The following LRRC9 variants were observed in gnomAD, a reference collection of about 807,000 sequenced individuals.
LRRC9 encodes the protein leucine rich repeat containing 9.
LRRC9 carries 122 observed loss-of-function variants against 63.2 expected under a neutral mutation model. That is an observed-to-expected ratio of 1.93 (90% CI 1.67 to 2.24). The LOEUF (loss-of-function observed/expected upper bound fraction) is 2.24. Among genes scored for constraint, LRRC9 ranks in the 30% most tolerant of loss-of-function variants. The pLI, the probability that LRRC9 is intolerant of heterozygous loss-of-function variation, is 0.00. For missense variants in LRRC9, 1,071 were observed against 627.7 expected (o/e 1.71, Z -7.55); for synonymous variants, 366 against 213.1 (o/e 1.72, Z -6.25).
chr14:59,951,833 C>T (rs1418583918), intron 8 of LRRC9, among the ~76,000 whole-genome samples: 2 of 152,158 alleles, frequency 1.3e-5, no homozygotes, highest in South Asian at 2.1e-4. Flanking sequence ...GTCAGGGACC[C>T]ACTTGAGGAG....
chr14:60,045,524 G>A (rs1365161370), intron 29 of LRRC9, among the ~76,000 whole-genome samples: 1 of 152,156 alleles, frequency 6.6e-6, no homozygotes, highest in Non-Finnish European at 1.5e-5. Flanking sequence ...AACATGTGGT[G>A]TTTGGTTTTC....
chr14:59,951,467 T>C (rs1331940814), intron 8 of LRRC9, among the ~76,000 whole-genome samples: 1 of 133,656 alleles, frequency 7.5e-6, no homozygotes, highest in Non-Finnish European at 1.6e-5. Context: ...CTCAGAGTAA[T>C]TTGATCGTCT....
chr14:59,983,287 A>G (rs1415382776), intron 16 of LRRC9, among the ~76,000 whole-genome samples: 1 of 152,232 alleles, frequency 6.6e-6, no homozygotes, highest in Admixed American at 6.5e-5. Flanking sequence ...ATGCCTCTAG[A>G]GTTATGCAAC....
intron 31 of LRRC9, among the ~76,000 whole-genome samples, chr14:60,061,468 C>T (rs891716574): frequency 6.6e-6 from 1 of 152,100 alleles, no homozygotes; most frequent in African/African-American, 2.4e-5. Context: ...AAGGTATGTA[C>T]ATTGTTTTTT....
chr14:59,984,035 T>G lies in LRRC9; in HGVS notation c.2092-1070T>G, dbSNP rs531373930. Among the ~76,000 whole-genome samples, 3 of 152,308 alleles carry G rather than the reference T, an allele frequency of 2.0e-5. No homozygotes were observed. The South Asian group carries it at 6.2e-4, about 32-fold the overall frequency. Reference sequence around the variant, plus strand: ...TGGTGATATAACGGTGTGGCCTGTTTGAGAAACAGTTCTACAATCAAATGT... The same window carrying G: ...TGGTGATATAACGGTGTGGCCTGTTGGAGAAACAGTTCTACAATCAAATGT... On this transcript the variant is annotated intron_variant, in intron 16 of 31. Coordinates refer to ENST00000445360, the Ensembl canonical transcript of LRRC9.
intron 29 of LRRC9, among the ~76,000 whole-genome samples, chr14:60,040,176 C>T (rs551880939): frequency 1.3e-5 from 2 of 152,068 alleles, no homozygotes; most frequent in East Asian, 3.9e-4. Flanking sequence ...TGCTTTACTT[C>T]CAACTATGTG....
intron 8 of LRRC9, among the ~76,000 whole-genome samples, chr14:59,949,641 A>G (rs1215597478): frequency 6.6e-6 from 1 of 151,142 alleles, no homozygotes; most frequent in Non-Finnish European, 1.5e-5. Context: ...ATTTAGTGCT[A>G]TAAATTTCCC....
At chr14:60,066,008 G>T (rs1366823111), downstream of LRRC9, among the ~76,000 whole-genome samples, 1 of 151,940 alleles carries the variant, frequency 6.6e-6, no homozygotes, top group Non-Finnish European at 1.5e-5. Context: ...TGTAGAGATG[G>T]AGTCTCACTA....
In LRRC9 at chr14:60,003,456, A is replaced by G. The variant is rs776862176; in HGVS notation, c.2665-165A>G. 2.9e-4 allele frequency among the ~76,000 whole-genome samples: 44 copies of G among 152,196 alleles called. No homozygotes were observed. Among genetic ancestry groups the G allele is most frequent in the Admixed American group, 9.2e-4 (14 of 15,278 alleles). On this transcript the variant is annotated intron_variant, in intron 20 of 31. Coordinates refer to ENST00000445360, the Ensembl canonical transcript of LRRC9. The surrounding 1 kb of genome is among the most constrained non-coding windows in gnomAD (Gnocchi z 4.2). ...TGGAGTTATAATCTCGTCAAATTTT[A>G]CTTTTCTGTAAACTGACAGCTTCAC...
chr14:60,042,568 C>T lies in LRRC9; in HGVS notation c.3991-10497C>T, dbSNP rs1893048937. Among the ~76,000 whole-genome samples, 1 of 152,174 alleles carries T rather than the reference C, an allele frequency of 6.6e-6. No individual in the cohort carries two copies. Among genetic ancestry groups the T allele is most frequent in the South Asian group, 2.1e-4 (1 of 4,832 alleles). On this transcript the variant is annotated intron_variant, in intron 29 of 31. Transcript: ENST00000445360. This position sits in a 1 kb window ranked among gnomAD's most constrained non-coding sequence, Gnocchi z 4.2. ...CCAAGCCATGCGCGGGATATAATCT[C>T]CTGTTGTGCCGTTTGCTAAGACCAT...
chr14:59,952,464 G>A (rs1456063414), intron 8 of LRRC9, among the ~76,000 whole-genome samples: 1 of 152,232 alleles, frequency 6.6e-6, no homozygotes, highest in Middle Eastern at 3.4e-3. Flanking sequence ...CGTCTTCTGC[G>A]TCGCTCACGC....
intron 17 of LRRC9, among the ~76,000 whole-genome samples, chr14:59,995,724 G>GT (rs1380199014): frequency 1.6e-5 from 1 of 62,328 alleles, no homozygotes; most frequent in Non-Finnish European, 5.9e-5. Flanking sequence ...GAAGAAGACA[G>GT]GTTTTTTTTT....
At position 60,053,369 on chromosome 14, in the gene LRRC9, T is replaced by C. The variant is rs550540409; in HGVS notation, c.4131+164T>C. Among the ~76,000 whole-genome samples, 2 of 142,244 alleles carry C rather than the reference T, an allele frequency of 1.4e-5. No homozygotes were observed. Among genetic ancestry groups the C allele is most frequent in the African/African-American group, 5.2e-5 (2 of 38,218 alleles). 93.3% of individuals were successfully genotyped at this position (142,244 alleles called of 152,430 possible). A position where few individuals can be genotyped will look rare whatever the true frequency, so the allele number is the denominator to read the frequency against. ...ATCAAAGGCAGCTGGATTTGGTGAATAGAGCATGCGTGCTCACACACACAC... is the reference window on the plus strand; with the variant it reads ...ATCAAAGGCAGCTGGATTTGGTGAACAGAGCATGCGTGCTCACACACACAC... On this transcript the variant is annotated intron_variant, in intron 30 of 31. Transcript: ENST00000445360. The surrounding 1 kb of genome is among the most constrained non-coding windows in gnomAD (Gnocchi z 4.8).
At chr14:59,967,242 C>A in intron 12 of LRRC9, 29 bp downstream of exon 12, 1 of 557,362 alleles carries the variant, frequency 1.8e-6, no homozygotes, top group Admixed American at 2.3e-5. Flanking sequence ...TAGAATAATG[C>A]TTTCTTCCTA....
chr14:59,966,221 A>T lies in LRRC9; in HGVS notation c.1212-368A>T, dbSNP rs1312754698. Among the ~76,000 whole-genome samples, 1 of 152,130 alleles carries T rather than the reference A, an allele frequency of 6.6e-6. No individual in the cohort carries two copies. Among genetic ancestry groups the T allele is most frequent in the Non-Finnish European group, 1.5e-5 (1 of 68,034 alleles). On this transcript the variant is annotated intron_variant, in intron 10 of 31. Coordinates refer to ENST00000445360, the Ensembl canonical transcript of LRRC9. The surrounding 1 kb of genome is among the most constrained non-coding windows in gnomAD (Gnocchi z 4.0). ...AGGAACCACGTGAAATCATCTAGGG[A>T]GAGTGTTCGTGGAAGCAAGAGGAAG... is the stretch of plus-strand genomic sequence containing the variant.
rs1274016960 is a variant in LRRC9, at chr14:60,060,932, T to TGTGGA, written c.4277-2391_4277-2390insGTGGA. On this transcript the variant is annotated intron_variant, in intron 31 of 31. Coordinates refer to ENST00000445360, the Ensembl canonical transcript of LRRC9. This position sits in a 1 kb window ranked among gnomAD's most constrained non-coding sequence, Gnocchi z 4.0. ...GGGTTCAGGACTTCAGTGAAGGAAG[T>TGTGGA]AACTGCAGATGTGTGGAAACAGCAA... Among the ~76,000 whole-genome samples, 1 of 152,100 alleles carries TGTGGA rather than the reference T, an allele frequency of 6.6e-6. No individual in the cohort carries two copies. The highest frequency in any genetic ancestry group is 1.5e-5 in the Non-Finnish European group (1 of 68,002).
At chr14:59,948,415 C>T (rs1440273296) in intron 8 of LRRC9, among the ~76,000 whole-genome samples, 17 of 138,106 alleles carry the variant, frequency 1.2e-4, no homozygotes, top group African/African-American at 4.2e-4. Flanking sequence ...TGGGCTGAGA[C>T]GATGGGGTTT....
rs1009092786 is a variant in LRRC9 at position 60,017,893 on chromosome 14, A to T, written c.3318-478A>T. On this transcript the variant is annotated intron_variant, in intron 24 of 31. Transcript: ENST00000445360. This position sits in a 1 kb window ranked among gnomAD's most constrained non-coding sequence, Gnocchi z 4.0. ...AAAGTTTCCAGAAGATACCACAGAA[A>T]CTCTATTTTCAAAGACCTTACCTGC... 3.3e-5 allele frequency among the ~76,000 whole-genome samples: 5 copies of T among 151,722 alleles called. No individual in the cohort carries two copies. Among genetic ancestry groups the T allele is most frequent in the African/African-American group, 1.2e-4 (5 of 41,430 alleles).
rs1894430182 is a variant in LRRC9, at chr14:60,058,337, T to C, written c.4276+315T>C. ...TTTTCAAAGCTTTTATTTCATTTCATGGATGTCAGAGCAAACAACTACTAA... is the reference window on the plus strand; with the variant it reads ...TTTTCAAAGCTTTTATTTCATTTCACGGATGTCAGAGCAAACAACTACTAA... On this transcript the variant is annotated intron_variant, in intron 31 of 31. Coordinates refer to ENST00000445360, the Ensembl canonical transcript of LRRC9. This position sits in a 1 kb window ranked among gnomAD's most constrained non-coding sequence, Gnocchi z 4.4. 6.6e-6 allele frequency among the ~76,000 whole-genome samples: 1 copy of C among 152,170 alleles called. No individual in the cohort carries two copies. Among genetic ancestry groups the C allele is most frequent in the African/African-American group, 2.4e-5 (1 of 41,452 alleles).
Sources: allele counts gnomAD v4.1 joint callset (sites outside exome capture counted in the v4.1 genomes callset), GRCh38; gene constraint gnomAD v4.1.1; non-coding constraint Gnocchi (gnomAD v3.1); transcripts MANE v1.5; gene names NCBI Gene and HGNC (gene_info 2026-07-23, HGNC 2026-07-21).